KDM3B: variants seen among roughly 807,000 people sequenced by gnomAD.
The protein encoded by KDM3B is lysine-specific demethylase 3B.
In KDM3B, 10 loss-of-function variants were observed where a neutral mutation model predicts 170.0. The observed-to-expected ratio is 0.06, with a 90% CI of 0.04 to 0.10. The LOEUF is 0.10. KDM3B is among the 10% of genes least tolerant of loss of function. KDM3B has a pLI of 1.00. For missense variants in KDM3B, 1,394 were observed against 2,195.2 expected, an observed-to-expected ratio of 0.64 and a Z score of 7.29; for synonymous variants, 831 against 834.8, an observed-to-expected ratio of 1.00 and a Z score of 0.08.
intron 9 of KDM3B, among the ~76,000 whole-genome samples, chr5:138,397,349 A>G (rs566832320): frequency 6.6e-6 from 1 of 151,804 alleles, no homozygotes; most frequent in African/African-American, 2.4e-5. Context: ...AAAAACTAAA[A>G]AATAAAAAAT....
At chr5:138,356,973 A>G (rs1049790982) in intron 1 of KDM3B, among the ~76,000 whole-genome samples, 1 of 149,114 alleles carries the variant, frequency 6.7e-6, no homozygotes, top group Admixed American at 6.7e-5. Flanking sequence ...TTGCTTTGCT[A>G]TACAGAAAAA....
At chr5:138,367,227 G>A (rs921541599) in intron 1 of KDM3B, among the ~76,000 whole-genome samples, 10 of 152,180 alleles carry the variant, frequency 6.6e-5, no homozygotes, top group Non-Finnish European at 1.5e-4. Context: ...CATCTAGGGT[G>A]TGAGTCCCTA....
Position 138,380,372 on chromosome 5 carries a change from C to A in KDM3B, c.705+664C>A, listed in dbSNP as rs1217757179. ...ATATGATATATATAATTTATATGCT[C>A]TATAATTATATAAGTCACACTTTAG... is the stretch of plus-strand genomic sequence containing the variant. On this transcript the variant is annotated intron_variant, in intron 5 of 23. Transcript: ENST00000314358. 2.0e-5 allele frequency among the ~76,000 whole-genome samples: 3 copies of A among 148,970 alleles called. No homozygotes were observed. In the Admixed American group the frequency reaches 2.0e-4, roughly 10 times the overall value.
At chr5:138,400,817 C>T (rs1307742660) in intron 11 of KDM3B, among the ~76,000 whole-genome samples, 1 of 152,148 alleles carries the variant, frequency 6.6e-6, no homozygotes, top group Admixed American at 6.6e-5. Flanking sequence ...ACCCCACACC[C>T]CACCTGACAA....
intron 11 of KDM3B, among the ~76,000 whole-genome samples, chr5:138,404,019 A>G (rs1029770533): frequency 1.4e-4 from 22 of 152,058 alleles, no homozygotes; most frequent in African/African-American, 2.9e-4. Context: ...TAGATAATGT[A>G]GAAGAAAAAA....
chr5:138,419,726 C>T (rs995591537), intron 14 of KDM3B, among the ~76,000 whole-genome samples: 2 of 80,442 alleles, frequency 2.5e-5, no homozygotes, highest in African/African-American at 5.1e-5. Context: ...TATACACACA[C>T]ATACACACAC....
rs577308798 is a variant in KDM3B, at chr5:138,420,447, GA to G, written c.3716-258del. On this transcript the variant is annotated intron_variant, in intron 14 of 23. Transcript: ENST00000314358. ...AAACACTGTCTTAGGAAGTGAGGGA[GA>G]TGAAAGATGGATGACAACAAAAGGG... Among the ~76,000 whole-genome samples the G allele has an allele frequency of 2.6e-5, 4 of 152,322 alleles. No individual in the cohort carries two copies. The East Asian group carries it at 7.7e-4, about 29-fold the overall frequency.
Position 138,379,704 on chromosome 5 carries a change from C to G in KDM3B, c.701C>G (p.Thr234Ser). ...ACTCGTCTTATGGAGGTGTCTGTAA[C>G]TGAGGTGAGACTCTGTGTTATTCTG... ...SITRLMEVSV[T>S]ESGEIKSVDP... The change falls in exon 5 of 24, where the codon ACT becomes AGT. Residue 234 changes from threonine to serine, a missense_variant. By Grantham distance (58) the Thr-to-Ser change is moderately conservative. Coordinates refer to ENST00000314358, the MANE Select transcript of KDM3B (RefSeq NM_016604.4). 1 of 1,613,222 alleles carries G rather than the reference C, an allele frequency of 6.2e-7. No homozygotes were observed. The highest frequency in any genetic ancestry group is 8.5e-7 in the Non-Finnish European group (1 of 1,179,632).
intron 9 of KDM3B, among the ~76,000 whole-genome samples, chr5:138,396,166 G>T (rs1762540666): frequency 6.6e-6 from 1 of 151,844 alleles, no homozygotes; most frequent in African/African-American, 2.4e-5. Flanking sequence ...CGCAATCTTG[G>T]CTCACTGCAA....
intron 1 of KDM3B, among the ~76,000 whole-genome samples, chr5:138,367,963 A>G (rs561531831): frequency 6.6e-6 from 1 of 152,074 alleles, no homozygotes; most frequent in East Asian, 1.9e-4. Flanking sequence ...CAGTGAGCCG[A>G]GATCGCACCA....
intron 23 of KDM3B, among the ~76,000 whole-genome samples, chr5:138,431,928 A>T (rs530159031): frequency 2.6e-5 from 4 of 152,050 alleles, no homozygotes; most frequent in Middle Eastern, 3.4e-3. Flanking sequence ...AAAAAAAACA[A>T]AAAACAGTTT....
In KDM3B at chr5:138,353,054, G is replaced by A. The variant is rs1417213775; in HGVS notation, c.192+67G>A. The A allele has an allele frequency of 2.6e-5, 29 of 1,119,676 alleles. No individual in the cohort carries two copies. In the East Asian group the frequency reaches 9.6e-4, roughly 37 times the overall value. The allele number at this position is 1,119,676 out of a possible 1,614,324, so 69.4% of individuals were successfully genotyped here. ...GGGCCTGCGGGCGGCCTCCCCGGGG[G>A]CCTTTGTGAGGGGGCGGTGGGATGG... is the stretch of plus-strand genomic sequence containing the variant. On this transcript the variant is annotated intron_variant, in intron 1 of 23. Transcript: ENST00000314358.
rs755639281 is a variant in KDM3B, at chr5:138,375,146, A to G, written c.414A>G (p.Glu138=). 9 of 1,613,742 alleles carry G rather than the reference A, an allele frequency of 5.6e-6. No individual in the cohort carries two copies. In the South Asian group the frequency reaches 9.9e-5, roughly 18 times the overall value. ...KLGLGSVVPV[E]YLLDRELRFL... ...GTTTGGGTTCTGTGGTTCCAGTGGAATATCTTCTGGATCGAGAGCTTCGGT... is the reference window on the plus strand; with the variant it reads ...GTTTGGGTTCTGTGGTTCCAGTGGAGTATCTTCTGGATCGAGAGCTTCGGT... Residue 138 remains glutamate (E), a synonymous_variant, in exon 3 of 24, where the codon GAA becomes GAG. Coordinates refer to ENST00000314358, the MANE Select transcript of KDM3B (RefSeq NM_016604.4).
At chr5:138,397,250 G>T (rs1400039297) in intron 9 of KDM3B, among the ~76,000 whole-genome samples, 3 of 151,956 alleles carry the variant, frequency 2.0e-5, no homozygotes, top group Non-Finnish European at 4.4e-5. Flanking sequence ...CGGGAGAATG[G>T]CATGAACCCC....
chr5:138,435,651 A>T lies in KDM3B; in HGVS notation c.5237A>T (p.Asp1746Val), dbSNP rs1763654652. 1 of 1,613,938 alleles carries T rather than the reference A, an allele frequency of 6.2e-7. No homozygotes were observed. The highest frequency in any genetic ancestry group is 1.3e-5 in the African/African-American group (1 of 74,940). ...VKNIIYHAVK[D>V]AVGTLKAHES... ...AACATCATTTACCATGCAGTGAAAG[A>T]TGCGGTTGGCACCCTCAAGGCTCAT... Residue 1746 changes from aspartate to valine, a missense_variant, in exon 24 of 24, where the codon GAT (aspartate) becomes GTT (valine). Asp to Val is a radical substitution (Grantham distance 152). Around this residue, in one of 19 missense-constraint regions of KDM3B, gnomAD observed 79 missense variants for 270.5 expected, o/e 0.29. Transcript: ENST00000314358.
At chr5:138,399,256 C>A (rs1411523947) in intron 10 of KDM3B, among the ~76,000 whole-genome samples, 1 of 151,796 alleles carries the variant, frequency 6.6e-6, no homozygotes, top group Non-Finnish European at 1.5e-5. Context: ...TTTTTCAATT[C>A]CGGCTGGGCA....
chr5:138,382,841 C>G (rs1762159714), intron 6 of KDM3B, among the ~76,000 whole-genome samples: 1 of 152,126 alleles, frequency 6.6e-6, no homozygotes, highest in Admixed American at 6.5e-5. Context: ...GGGTAAGTCT[C>G]TTGACTGTGT....
chr5:138,377,604 A>G (rs949833532), intron 3 of KDM3B, 116 bp from the exon 4 acceptor site: 18 of 692,240 alleles, frequency 2.6e-5, no homozygotes, highest in Non-Finnish European at 4.0e-5. Flanking sequence ...AAGGTTCTAT[A>G]GATATTGTTT....
At chr5:138,398,427 C>T in intron 10 of KDM3B, 35 bp downstream of exon 10, 1 of 1,583,622 alleles carries the variant, frequency 6.3e-7, no homozygotes, top group Non-Finnish European at 8.6e-7. Flanking sequence ...CCAGGTGCTC[C>T]TAGTGAAAAA....
Sources: allele counts gnomAD v4.1 joint callset (sites outside exome capture counted in the v4.1 genomes callset), GRCh38; gene constraint gnomAD v4.1.1; regional missense constraint gnomAD v4.1.1; transcripts MANE v1.5; gene names NCBI Gene and HGNC (gene_info 2026-07-23, HGNC 2026-07-21).